The following FOXP1 variants were observed in gnomAD, a reference collection of about 807,000 sequenced individuals.
FOXP1 encodes the protein forkhead box P1.
Under a neutral mutation model 98.2 loss-of-function variants are expected in FOXP1, and 15 were observed. That is an observed-to-expected ratio of 0.15 (90% CI 0.10 to 0.24). The LOEUF is 0.24. Among genes scored for constraint, FOXP1 ranks in the 10% least tolerant of loss-of-function variants. The pLI is 1.00. For missense variants in FOXP1, 633 were observed against 848.5 expected (o/e 0.75, Z 3.15); for synonymous variants, 371 against 314.5 (o/e 1.18, Z -1.90).
intron 5 of FOXP1, among the ~76,000 whole-genome samples, chr3:71,293,991 C>T (rs928599188): frequency 3.3e-5 from 5 of 152,126 alleles, no homozygotes; most frequent in Non-Finnish European, 7.4e-5. Flanking sequence ...ACCTTGAAAA[C>T]ATTTTGCTAA....
At chr3:71,315,684 T>C (rs971805837) in intron 4 of FOXP1, among the ~76,000 whole-genome samples, 1 of 152,144 alleles carries the variant, frequency 6.6e-6, no homozygotes, top group Non-Finnish European at 1.5e-5. Flanking sequence ...CTCAAGCCTG[T>C]GACTCCCAAT....
chr3:71,291,644 CAT>C (rs2072754951), intron 5 of FOXP1, among the ~76,000 whole-genome samples: 1 of 151,874 alleles, frequency 6.6e-6, no homozygotes, highest in Admixed American at 6.6e-5. Flanking sequence ...ACTGCATACA[CAT>C]AAAATCCTTA....
At chr3:71,152,490 T>C (rs1368358634) in intron 6 of FOXP1, among the ~76,000 whole-genome samples, 1 of 152,150 alleles carries the variant, frequency 6.6e-6, no homozygotes, top group Admixed American at 6.5e-5. Flanking sequence ...AAACCTTGCA[T>C]AGTATATGAA....
At chr3:71,148,388 A>T (rs1264822045) in intron 6 of FOXP1, among the ~76,000 whole-genome samples, 1 of 66,290 alleles carries the variant, frequency 1.5e-5, no homozygotes, top group Non-Finnish European at 3.8e-5. Context: ...CTCAAAAATA[A>T]AAAAAAAACT....
At chr3:71,357,001 A>T (rs2078208637) in intron 4 of FOXP1, among the ~76,000 whole-genome samples, 1 of 151,974 alleles carries the variant, frequency 6.6e-6, no homozygotes. Context: ...CGTGCACCCC[A>T]CTCCCACGGT....
At chr3:70,975,869 C>A (rs1575785706) in intron 17 of FOXP1, among the ~76,000 whole-genome samples, 1 of 152,174 alleles carries the variant, frequency 6.6e-6, no homozygotes, top group Admixed American at 6.5e-5. Context: ...CCAGTGGAAT[C>A]TTTGAGCCAG....
chr3:71,543,760 C>G (rs1243388439), intron 2 of FOXP1, among the ~76,000 whole-genome samples: 1 of 152,236 alleles, frequency 6.6e-6, no homozygotes, highest in Non-Finnish European at 1.5e-5. Flanking sequence ...ACTTCTGTGC[C>G]TGGAGCAGGC....
chr3:71,368,025 G>A (rs887380758), intron 3 of FOXP1, among the ~76,000 whole-genome samples: 26 of 152,190 alleles, frequency 1.7e-4, no homozygotes, highest in African/African-American at 5.8e-4. Flanking sequence ...ATGACATAAG[G>A]ACTGCATGCT....
chr3:71,242,717 G>A (rs1028778592), intron 5 of FOXP1, among the ~76,000 whole-genome samples: 4 of 149,612 alleles, frequency 2.7e-5, no homozygotes, highest in Non-Finnish European at 4.4e-5. Context: ...AGGGTACATC[G>A]CTGTGATACA....
chr3:71,176,649 G>A (rs966393948), intron 6 of FOXP1, among the ~76,000 whole-genome samples: 3 of 151,604 alleles, frequency 2.0e-5, no homozygotes, highest in Non-Finnish European at 2.9e-5. Context: ...GCTCGGGTGG[G>A]AGGATTGCTT....
intron 12 of FOXP1, among the ~76,000 whole-genome samples, chr3:71,006,477 A>G (rs749352330): frequency 1.1e-4 from 17 of 152,148 alleles, no homozygotes; most frequent in Non-Finnish European, 2.2e-4. Context: ...AAGTACCAGC[A>G]ATCAAAATTA....
chr3:71,421,068 C>G (rs563144614), intron 3 of FOXP1, among the ~76,000 whole-genome samples: 2 of 152,152 alleles, frequency 1.3e-5, no homozygotes, highest in South Asian at 4.1e-4. Flanking sequence ...TGAGATGAGA[C>G]TAGAAATGCC....
At chr3:71,468,472 C>T (rs1411549419) in intron 3 of FOXP1, among the ~76,000 whole-genome samples, 1 of 152,176 alleles carries the variant, frequency 6.6e-6, no homozygotes, top group East Asian at 1.9e-4. Flanking sequence ...ACACGTGATA[C>T]CTTTCTAATG....
intron 5 of FOXP1, among the ~76,000 whole-genome samples, chr3:71,290,870 C>A (rs1379596348): frequency 6.6e-6 from 1 of 152,144 alleles, no homozygotes; most frequent in Non-Finnish European, 1.5e-5. Flanking sequence ...TGAAAGATCC[C>A]AAATCAGAAA....
chr3:71,211,591 G>C (rs2064471197), intron 5 of FOXP1, among the ~76,000 whole-genome samples: 1 of 152,074 alleles, frequency 6.6e-6, no homozygotes, highest in South Asian at 2.1e-4. Flanking sequence ...TTTTAAAAAA[G>C]TACATTAAGA....
intron 3 of FOXP1, among the ~76,000 whole-genome samples, chr3:71,489,098 C>A (rs1443116873): frequency 6.6e-6 from 1 of 152,014 alleles, no homozygotes; most frequent in Non-Finnish European, 1.5e-5. Flanking sequence ...CTGGAAGCTG[C>A]GCCACCACCG....
At chr3:71,215,622 A>G (rs1402321517) in intron 5 of FOXP1, among the ~76,000 whole-genome samples, 1 of 152,034 alleles carries the variant, frequency 6.6e-6, no homozygotes, top group Non-Finnish European at 1.5e-5. Context: ...CCCCATCATA[A>G]AATGAACGTG....
At chr3:71,246,192 C>G (rs115851888) in intron 5 of FOXP1, among the ~76,000 whole-genome samples, 1 of 152,106 alleles carries the variant, frequency 6.6e-6, no homozygotes, top group African/African-American at 2.4e-5. Flanking sequence ...GCCGTGGCTG[C>G]TCTTGAAAGC....
At chr3:71,363,062 T>TATTATTCACA (rs1275841298) in intron 3 of FOXP1, among the ~76,000 whole-genome samples, 1 of 152,150 alleles carries the variant, frequency 6.6e-6, no homozygotes, top group Non-Finnish European at 1.5e-5. Context: ...ATAAATTTTG[T>TATTATTCACA]CCTTCATTTT....
Sources: gnomAD v4.1 joint callset for allele counts (sites outside exome capture counted in the v4.1 genomes callset) on GRCh38, gnomAD v4.1.1 for gene constraint, MANE v1.5 for transcripts, NCBI Gene and HGNC (gene_info 2026-07-23, HGNC 2026-07-21) for gene names.